The following PCDHA4 variants were observed in gnomAD, a reference collection of about 807,000 sequenced individuals.
PCDHA4 encodes protocadherin alpha-4.
In PCDHA4, 49 loss-of-function variants were observed where a neutral mutation model predicts 61.4. That is an observed-to-expected ratio of 0.80 (90% CI 0.63 to 1.01). The LOEUF is 1.01. PCDHA4 is among the 50% of genes least tolerant of loss of function. The probability of loss-of-function intolerance (pLI) is 0.00; values close to 1 mark genes in which losing one functional copy is unlikely to be tolerated. For missense variants in PCDHA4, 1,254 were observed against 1,235.8 expected, an observed-to-expected ratio of 1.01 and a Z score of -0.22; for synonymous variants, 590 against 550.3, an observed-to-expected ratio of 1.07 and a Z score of -1.01.
At chr5:140,832,615 T>C (rs1377031016) in intron 1 of PCDHA4, among the ~76,000 whole-genome samples, 1 of 152,198 alleles carries the variant, frequency 6.6e-6, no homozygotes, top group Non-Finnish European at 1.5e-5. Flanking sequence ...AGTGAGTAAA[T>C]GTTTTTTAAA....
chr5:140,842,561 G>T (rs2150339210), intron 1 of PCDHA4: 1 of 1,492,420 alleles, frequency 6.7e-7, no homozygotes, highest in South Asian at 1.2e-5. Flanking sequence ...CAGCGCCCTG[G>T]ACCGCGAGAG....
At chr5:140,834,511 A>T in intron 1 of PCDHA4, 1 of 1,614,070 alleles carries the variant, frequency 6.2e-7, no homozygotes, top group East Asian at 2.2e-5. Flanking sequence ...AAACATGGCA[A>T]CTTCGTGGGC....
intron 1 of PCDHA4, among the ~76,000 whole-genome samples, chr5:140,949,300 G>T (rs1373100269): frequency 1.3e-5 from 2 of 151,534 alleles, no homozygotes; most frequent in Non-Finnish European, 1.5e-5. Flanking sequence ...GTAATTGTTG[G>T]GTGTAATGAT....
intron 1 of PCDHA4, chr5:140,857,675 C>A: frequency 1.3e-6 from 2 of 1,597,044 alleles, no homozygotes; most frequent in Non-Finnish European, 1.7e-6. Context: ...GGGCGTGCCG[C>A]CTCTGGGCAG....
At chr5:140,841,587 G>C in intron 1 of PCDHA4, 1 of 1,614,074 alleles carries the variant, frequency 6.2e-7, no homozygotes, top group Non-Finnish European at 8.5e-7. Context: ...GTGAATTCTC[G>C]GATCGACCGC....
intron 1 of PCDHA4, chr5:140,821,871 C>T (rs2150111403): frequency 6.2e-7 from 1 of 1,614,228 alleles, no homozygotes; most frequent in South Asian, 1.1e-5. Context: ...AGCTCCACTA[C>T]TCGATCCCGG....
At chr5:140,812,433 C>T (rs1447584694) in intron 1 of PCDHA4, 1 of 152,044 alleles carries the variant, frequency 6.6e-6, no homozygotes, top group African/African-American at 2.4e-5. Flanking sequence ...AAAAAATCAA[C>T]TAAGTTTAAA....
chr5:140,978,424 T>C (rs1554239310), intron 1 of PCDHA4, among the ~76,000 whole-genome samples: 1 of 152,238 alleles, frequency 6.6e-6, no homozygotes, highest in African/African-American at 2.4e-5. Flanking sequence ...GAGACTGTTA[T>C]CAGTTGCTGG....
intron 1 of PCDHA4, among the ~76,000 whole-genome samples, chr5:140,971,942 C>A (rs2153791969): frequency 6.6e-6 from 1 of 152,140 alleles, no homozygotes; most frequent in Middle Eastern, 3.4e-3. Flanking sequence ...AAGTTGTATC[C>A]ATCTGACTCC....
chr5:140,982,447 C>T (rs782801484), intron 2 of PCDHA4, 28 bp from the exon 3 acceptor site: 5 of 1,613,664 alleles, frequency 3.1e-6, no homozygotes, highest in Admixed American at 3.3e-5. Flanking sequence ...ATGATCTAAC[C>T]GTTATCTGGG....
intron 1 of PCDHA4, chr5:140,871,252 T>A (rs782280300): frequency 2.5e-6 from 4 of 1,613,990 alleles, no homozygotes; most frequent in Non-Finnish European, 1.7e-6. Context: ...GCTGCTGCTG[T>A]ATACGGCGCT....
chr5:140,979,033 C>T, intron 2 of PCDHA4, 26 bp downstream of exon 2: 1 of 1,613,044 alleles, frequency 6.2e-7, no homozygotes, highest in Non-Finnish European at 8.5e-7. Flanking sequence ...CTCATTCACT[C>T]AGAAGTAACC....
chr5:140,884,488 G>T, intron 1 of PCDHA4: 1 of 1,614,046 alleles, frequency 6.2e-7, no homozygotes, highest in East Asian at 2.2e-5. Context: ...CCACTCTAGT[G>T]TGCTCCAGCG....
In PCDHA4 at chr5:140,807,081, G is replaced by T; in HGVS notation, c.-107G>T. On this transcript the variant is annotated 5_prime_UTR_variant, in exon 1 of 4. Coordinates refer to ENST00000530339, the MANE Select transcript of PCDHA4 (RefSeq NM_018907.4). ...CTGGAAGGAACCATATACACTCTTT[G>T]GAGTCTGAAATATGGAGGATGCAGC... The T allele has an allele frequency of 1.6e-6, 2 of 1,263,522 alleles. No homozygotes were observed. Among genetic ancestry groups the T allele is most frequent in the Non-Finnish European group, 2.2e-6 (2 of 902,142 alleles). 78.3% of individuals were successfully genotyped at this position (1,263,522 alleles called of 1,614,324 possible).
At chr5:140,960,148 T>C (rs782110022) in intron 1 of PCDHA4, among the ~76,000 whole-genome samples, 16 of 152,198 alleles carry the variant, frequency 1.1e-4, no homozygotes, top group Admixed American at 4.6e-4. Context: ...ATTAATAGCT[T>C]GAGACTGATA....
chr5:140,850,520 G>A (rs2150487404), intron 1 of PCDHA4: 1 of 1,598,300 alleles, frequency 6.3e-7, no homozygotes, highest in South Asian at 1.1e-5. Context: ...GCGGCCAGGC[G>A]CCAAAGTCAT....
intron 1 of PCDHA4, chr5:140,851,667 T>C (rs628871): frequency 0.26 from 235,964 of 911,074 alleles, 43,172 homozygotes; most frequent in South Asian, 0.31. Context: ...TCCTTTTAAT[T>C]GAAATTTTCT....
chr5:140,836,548 G>C (rs2150263673), intron 1 of PCDHA4: 1 of 1,613,752 alleles, frequency 6.2e-7, no homozygotes, highest in South Asian at 1.1e-5. Flanking sequence ...ACGGCGTTGC[G>C]GTGCTCAGCG....
At chr5:140,991,595 C>G (rs181014489) in intron 3 of PCDHA4, among the ~76,000 whole-genome samples, 1 of 152,328 alleles carries the variant, frequency 6.6e-6, no homozygotes, top group African/African-American at 2.4e-5. Flanking sequence ...TACCTGAGCC[C>G]TCACTGGCAG....
Sources: allele counts gnomAD v4.1 joint callset (sites outside exome capture counted in the v4.1 genomes callset), GRCh38; gene constraint gnomAD v4.1.1; transcripts MANE v1.5; gene names NCBI Gene and HGNC (gene_info 2026-07-23, HGNC 2026-07-21).